The following FASTKD3 variants were observed in gnomAD, a reference collection of about 807,000 sequenced individuals.
FASTKD3 encodes the protein FAST kinase domain-containing protein 3, mitochondrial.
In FASTKD3, 47 loss-of-function variants were observed where a neutral mutation model predicts 49.7. The observed-to-expected ratio is 0.95, with a 90% confidence interval of 0.75 to 1.21. The LOEUF is 1.21. Among genes scored for constraint, FASTKD3 ranks in the 50% most tolerant of loss-of-function variants. The pLI, the probability that FASTKD3 is intolerant of heterozygous loss-of-function variation, is 0.00. For missense variants in FASTKD3, 748 were observed against 765.7 expected (o/e 0.98, Z 0.27); for synonymous variants, 284 against 288.6 (o/e 0.98, Z 0.16).
Position 7,862,959 on chromosome 5 carries a change from A to G in FASTKD3, c.1563T>C (p.Phe521=). 1 of 1,614,012 alleles carries G rather than the reference A, an allele frequency of 6.2e-7. No individual in the cohort carries two copies. The highest frequency in any genetic ancestry group is 8.5e-7 in the Non-Finnish European group (1 of 1,179,954). The change falls in exon 4 of 7, where the codon TTT becomes TTC. Residue 521 remains phenylalanine (F), a synonymous_variant. Transcript: ENST00000264669. ...TCTCCAGGGAACAGCATGGGGTAAG[A>G]AATGACTTCACTTGATATTTAGGAA... is the stretch of plus-strand genomic sequence containing the variant. The part of the protein sequence containing the change: ...KLLPKYQVKS[F]LTPCCSLETP...
chr5:7,862,653 C>T (rs141538136), intron 4 of FASTKD3, among the ~76,000 whole-genome samples, 170 bp downstream of exon 4: 187 of 152,244 alleles, frequency 1.2e-3, no homozygotes, highest in Non-Finnish European at 2.3e-3. Flanking sequence ...AGACTTAAAC[C>T]CAGACAGTCT....
Position 7,868,150 on chromosome 5 carries a change from A to G in FASTKD3, c.-67T>C. The G allele has an allele frequency of 3.1e-6, 3 of 979,460 alleles. No homozygotes were observed. The highest frequency in any genetic ancestry group is 4.4e-6 in the Non-Finnish European group (3 of 674,970). The allele number at this position is 979,460 out of a possible 1,614,324, so 60.7% of individuals were successfully genotyped here. ...AAAACACATGGTTAAATACATTGAG[A>G]ACATGATTGACCCAACATCAATGTT... On this transcript the variant is annotated 5_prime_UTR_variant, in exon 2 of 7. Transcript: ENST00000264669.
At position 7,867,975 on chromosome 5, in the gene FASTKD3, C is replaced by T. The variant is rs772372098; in HGVS notation, c.109G>A (p.Val37Ile). 8.7e-6 allele frequency: 14 copies of T among 1,614,146 alleles called. No homozygotes were observed. In the South Asian group the frequency reaches 1.3e-4, roughly 15 times the overall value. Residue 37 changes from valine to isoleucine, a missense_variant, in exon 2 of 7, where the codon GTC (valine) becomes ATC (isoleucine). Around this residue, in one of 3 missense-constraint regions of FASTKD3, gnomAD observed 564 missense variants for 562.8 expected, o/e 1.00. Coordinates refer to ENST00000264669, the MANE Select transcript of FASTKD3 (RefSeq NM_024091.4). ...NKPLNHVHKVVKERLCPWLCS... is the reference protein window; with the variant it reads ...NKPLNHVHKVIKERLCPWLCS... ...AACCAAGGGCACAGACGCTCCTTGACTACCTTGTGAACATGATTTAGAGGT... is the reference window on the plus strand; with the variant it reads ...AACCAAGGGCACAGACGCTCCTTGATTACCTTGTGAACATGATTTAGAGGT...
At chr5:7,862,234 G>C (rs573635483) in intron 4 of FASTKD3, among the ~76,000 whole-genome samples, 1 of 152,306 alleles carries the variant, frequency 6.6e-6, no homozygotes, top group East Asian at 1.9e-4. Flanking sequence ...CATCAAGTTA[G>C]AAGAACTGTA....
chr5:7,863,304 A>T, intron 3 of FASTKD3: 1 of 308,516 alleles, frequency 3.2e-6, no homozygotes, highest in Non-Finnish European at 6.0e-6. Flanking sequence ...AAACATAATA[A>T]TGCTAACAGT....
chr5:7,866,041 A>G lies in FASTKD3; in HGVS notation c.1439-58T>C, dbSNP rs879108403. Reference sequence around the variant, plus strand: ...TCTGAATTGAGGTATGTATGAGAGAACATCATGAACATTCAACATCAATTT... The same window carrying G: ...TCTGAATTGAGGTATGTATGAGAGAGCATCATGAACATTCAACATCAATTT... On this transcript the variant is annotated intron_variant, in intron 2 of 6. Transcript: ENST00000264669. 7 of 1,254,564 alleles carry G rather than the reference A, an allele frequency of 5.6e-6. No homozygotes were observed. In the South Asian group the frequency reaches 7.2e-5, roughly 13 times the overall value. 77.7% of individuals were successfully genotyped at this position (1,254,564 alleles called of 1,614,324 possible).
At position 7,862,815 on chromosome 5, in the gene FASTKD3, C is replaced by A. The variant is rs1561096718; in HGVS notation, c.1699+8G>T. On this transcript the variant is annotated splice_region_variant and intron_variant, in intron 4 of 6. Coordinates refer to ENST00000264669, the MANE Select transcript of FASTKD3 (RefSeq NM_024091.4). Reference sequence around the variant, plus strand: ...GTTTAAAACAACAAAACTCCTTATACTACTTACCTATTGTATAACAATAGG... The same window carrying A: ...GTTTAAAACAACAAAACTCCTTATAATACTTACCTATTGTATAACAATAGG... The A allele has an allele frequency of 6.2e-7, 1 of 1,606,936 alleles. No homozygotes were observed. The highest frequency in any genetic ancestry group is 8.5e-7 in the Non-Finnish European group (1 of 1,175,762).
intron 6 of FASTKD3, among the ~76,000 whole-genome samples, chr5:7,859,997 C>G (rs996053576): frequency 2.0e-5 from 3 of 152,042 alleles, no homozygotes; most frequent in Non-Finnish European, 4.4e-5. Context: ...AGGGAGAGAG[C>G]AGGAGGCGCA....
At chr5:7,860,968 AG>A (rs1430904275) in intron 6 of FASTKD3, among the ~76,000 whole-genome samples, 180 bp downstream of exon 6, 2 of 152,192 alleles carry the variant, frequency 1.3e-5, no homozygotes, top group Non-Finnish European at 2.9e-5. Context: ...TTCCTATAAA[AG>A]CCTCCCTCTT....
intron 4 of FASTKD3, 139 bp downstream of exon 4, chr5:7,862,684 T>C (rs1344707390): frequency 1.5e-5 from 11 of 715,208 alleles, no homozygotes; most frequent in Non-Finnish European, 2.6e-5. Flanking sequence ...GCTCTGCTGC[T>C]AACCCCAACT....
rs764621481 is a variant in FASTKD3 at position 7,862,905 on chromosome 5, A to T, written c.1617T>A (p.Tyr539Ter). Residue 539 changes from tyrosine (Y) to a stop codon, truncating the protein, a stop_gained, in exon 4 of 7, where the codon TAT becomes TAA. Transcript: ENST00000264669. LOFTEE classifies it high-confidence loss of function. ...ETPVDSQLYR[Y>*]VKIGLTNLLG... ...AAAGGTTAGTCAGCCCAATCTTCAC[A>T]TATCTATAAAGCTGAGAATCCACAG... 2.5e-6 allele frequency: 4 copies of T among 1,614,018 alleles called. No individual in the cohort carries two copies. The African/African-American group carries it at 4.0e-5, about 16-fold the overall frequency.
rs1384588625 is a variant in FASTKD3 at position 7,869,019 on chromosome 5, G to C, written c.-154C>G. The C allele has an allele frequency of 1.6e-6, 2 of 1,267,146 alleles. No individual in the cohort carries two copies. The highest frequency in any genetic ancestry group is 4.6e-5 in the East Asian group (2 of 43,208). 78.5% of individuals were successfully genotyped at this position (1,267,146 alleles called of 1,614,324 possible). A position where few individuals can be genotyped will look rare whatever the true frequency, so the allele number is the denominator to read the frequency against. The stretch of plus-strand genomic sequence containing the variant: ...AATCACTCCGGGTGGTCGCGGAAGC[G>C]CCTGGGCGTCGTGGGCCTCCGTAGC... On this transcript the variant is annotated 5_prime_UTR_variant, in exon 1 of 7. Transcript: ENST00000264669.
Position 7,867,408 on chromosome 5 carries a change from TCA to T in FASTKD3, c.674_675del (p.Leu225HisfsTer21). 6.2e-7 allele frequency: 1 copy of T among 1,614,220 alleles called. No individual in the cohort carries two copies. The highest frequency in any genetic ancestry group is 1.1e-5 in the South Asian group (1 of 91,086). On this transcript the variant is annotated frameshift_variant, in exon 2 of 7. Transcript: ENST00000264669. LOFTEE classifies it high-confidence loss of function. ...ACACAACCTGAACTGTGCAGTGTAA[TCA>T]GACTTTCCCCAAGAATACAAAGATT... ...VRNLCILGES[L>X]ITLHSSGCVT...
At chr5:7,865,811 G>C in intron 3 of FASTKD3, 87 bp downstream of exon 3, 1 of 976,314 alleles carries the variant, frequency 1.0e-6, no homozygotes, top group Non-Finnish European at 1.6e-6. Flanking sequence ...TGCTTTTTCA[G>C]GTTATTGAGA....
rs2966952 is a variant in FASTKD3 at position 7,867,917 on chromosome 5, T to C, written c.167A>G (p.Lys56Arg). ...CSRQPEPFGVKFHHAHCKKFH... is the reference protein window; with the variant it reads ...CSRQPEPFGVRFHHAHCKKFH... The stretch of plus-strand genomic sequence containing the variant: ...CTTTTTACAATGGGCATGATGGAAT[T>C]TGACCCCGAAAGGCTCAGGTTGTCG... Residue 56 changes from lysine to arginine, a missense_variant, in exon 2 of 7, where the codon AAA (lysine) becomes AGA (arginine). Coordinates refer to ENST00000264669, the MANE Select transcript of FASTKD3 (RefSeq NM_024091.4). 0.83 allele frequency: 1,342,423 copies of C among 1,613,950 alleles called. 559,506 individuals carry two copies. The highest frequency in any genetic ancestry group is 0.9 in the African/African-American group (67,747 of 74,986).
intron 3 of FASTKD3, among the ~76,000 whole-genome samples, chr5:7,863,688 T>A (rs1561098824): frequency 6.6e-6 from 1 of 152,186 alleles, no homozygotes; most frequent in East Asian, 1.9e-4. Context: ...TAAACGATGC[T>A]GGAGAAAATG....
chr5:7,861,923 G>T, intron 4 of FASTKD3: 1 of 356,628 alleles, frequency 2.8e-6, no homozygotes. Context: ...CAAGAACCAT[G>T]CATGCTTTCT....
rs747775050 is a variant in FASTKD3, at chr5:7,859,549, T to C, written c.1885-10A>G. 1.0e-5 allele frequency: 16 copies of C among 1,548,086 alleles called. No homozygotes were observed. The highest frequency in any genetic ancestry group is 2.3e-5 in the East Asian group (1 of 43,562). On this transcript the variant is annotated splice_polypyrimidine_tract_variant and intron_variant, in intron 6 of 6. Transcript: ENST00000264669. Reference sequence around the variant, plus strand: ...TCTCATGATAGGGGATCTGTAAAGGTAGAAAAGTAAAACTGGTCAAGATCC... The same window carrying C: ...TCTCATGATAGGGGATCTGTAAAGGCAGAAAAGTAAAACTGGTCAAGATCC...
At chr5:7,865,853 C>G (rs371910336) in intron 3 of FASTKD3, 45 bp downstream of exon 3, 16 of 1,426,142 alleles carry the variant, frequency 1.1e-5, no homozygotes, top group Non-Finnish European at 1.4e-5. Context: ...TAAAAGGAAA[C>G]TGCACCCATG....
Sources: allele counts gnomAD v4.1 joint callset (sites outside exome capture counted in the v4.1 genomes callset), GRCh38; gene constraint gnomAD v4.1.1; regional missense constraint gnomAD v4.1.1; transcripts MANE v1.5; gene names NCBI Gene and HGNC (gene_info 2026-07-23, HGNC 2026-07-21).